Variants in MYPN observed in about 807,000 individuals in gnomAD.
MYPN encodes myopalladin, also known as sarcomeric protein myopalladin, 145 kDa (MYOP).
Under a neutral mutation model 129.4 loss-of-function variants are expected in MYPN, and 63 were observed. The ratio of observed to expected loss-of-function variants is 0.49; its 90% CI spans 0.40 to 0.60. The LOEUF (loss-of-function observed/expected upper bound fraction) is 0.60. MYPN is among the 20% of genes least tolerant of loss of function. MYPN has a pLI of 0.00. For synonymous variants in MYPN, 629 were observed against 600.9 expected, an observed-to-expected ratio of 1.05 and a Z score of -0.68; for missense variants, 1,596 against 1,635.4, an observed-to-expected ratio of 0.98 and a Z score of 0.42.
chr10:68,191,509 C>T (rs1487673739), intron 13 of MYPN, among the ~76,000 whole-genome samples: 1 of 152,194 alleles, frequency 6.6e-6, no homozygotes, highest in Non-Finnish European at 1.5e-5. Flanking sequence ...TGAGCCACCA[C>T]ACCCAGCCTG....
intron 10 of MYPN, among the ~76,000 whole-genome samples, chr10:68,171,158 AG>A (rs1431326377): frequency 3.8e-5 from 5 of 133,212 alleles, no homozygotes; most frequent in African/African-American, 9.4e-5. Context: ...AAAAAAAAAA[AG>A]AAAGAAAGAA....
chr10:68,156,092 T>C (rs1228908265), intron 6 of MYPN, among the ~76,000 whole-genome samples: 2 of 152,222 alleles, frequency 1.3e-5, no homozygotes, highest in Non-Finnish European at 2.9e-5. Context: ...AGCTCAACTT[T>C]AGGCCATGTC....
chr10:68,155,228 A>G (rs2042850911), intron 6 of MYPN, among the ~76,000 whole-genome samples: 1 of 152,146 alleles, frequency 6.6e-6, no homozygotes, highest in Admixed American at 6.5e-5. Context: ...AAACCCTTCC[A>G]TTTCAGCTAA....
rs2043892838 is a variant in MYPN, at chr10:68,210,446, T to C, written c.3954T>C (p.Asp1318=). The C allele has an allele frequency of 1.2e-6, 2 of 1,614,030 alleles. No homozygotes were observed. The highest frequency in any genetic ancestry group is 2.2e-5 in the East Asian group (1 of 44,892). ...CTTCTCGGAGTGTAGTGGAGAGTGA[T>C]GAACTTTAAGAATGTCTAGGTACCT... The part of the protein sequence containing the change: ...SCSSRSVVES[D]EL The change falls in exon 20 of 20, where the codon GAT becomes GAC. Residue 1318 remains aspartate (D), a synonymous_variant. Coordinates refer to ENST00000358913, the MANE Select transcript of MYPN (RefSeq NM_032578.4).
chr10:68,174,204 A>G lies in MYPN; in HGVS notation c.2112A>G (p.Thr704=). 6.2e-7 allele frequency: 1 copy of G among 1,614,010 alleles called. No individual in the cohort carries two copies. Among genetic ancestry groups the G allele is most frequent in the East Asian group, 2.2e-5 (1 of 44,864 alleles). ...VLNSNAPPAV[T]TSSKQVKAPS... Reference sequence around the variant, plus strand: ...ACTCCAATGCTCCCCCAGCGGTGACAACATCCAGTAAGCAGGTGAAGGCTC... The same window carrying G: ...ACTCCAATGCTCCCCCAGCGGTGACGACATCCAGTAAGCAGGTGAAGGCTC... The change falls in exon 11 of 20, where the codon ACA becomes ACG. Residue 704 remains threonine (T), a synonymous_variant. Transcript: ENST00000358913.
intron 6 of MYPN, among the ~76,000 whole-genome samples, chr10:68,152,160 G>A (rs917530084): frequency 5.3e-5 from 8 of 152,218 alleles, no homozygotes; most frequent in Admixed American, 1.3e-4. Flanking sequence ...ATTAGGATAA[G>A]GGGTTGTAGA....
intron 12 of MYPN, among the ~76,000 whole-genome samples, chr10:68,184,898 C>T (rs1005106425): frequency 1.3e-5 from 2 of 152,046 alleles, no homozygotes; most frequent in South Asian, 2.1e-4. Flanking sequence ...TCTGTAGCAT[C>T]GAGAGAGGAA....
intron 8 of MYPN, chr10:68,165,494 A>G (rs1254530196): frequency 1.5e-6 from 1 of 658,006 alleles, no homozygotes; most frequent in South Asian, 1.5e-5. Flanking sequence ...GCCTGTCTGC[A>G]TGGAGTTATT....
rs140586626 is a variant in MYPN at position 68,145,958 on chromosome 10, A to G, written c.1130+432A>G. 2.1e-3 allele frequency among the ~76,000 whole-genome samples: 326 copies of G among 152,214 alleles called. 3 individuals are homozygous for G. Among genetic ancestry groups the G allele is most frequent in the African/African-American group, 7.4e-3 (307 of 41,520 alleles). The stretch of plus-strand genomic sequence containing the variant: ...CCTTTTATGCCAACCACCTCCTTAG[A>G]GGGCTTCCTGTCTGCTTCTGCCTTT... On this transcript the variant is annotated intron_variant, in intron 4 of 19. Transcript: ENST00000358913.
intron 1 of MYPN, among the ~76,000 whole-genome samples, chr10:68,094,857 T>A (rs952661170): frequency 2.0e-5 from 3 of 151,764 alleles, no homozygotes; most frequent in African/African-American, 7.3e-5. Flanking sequence ...AGGTCAGGAG[T>A]TCGAGACCAG....
intron 18 of MYPN, among the ~76,000 whole-genome samples, chr10:68,202,727 G>T (rs1363750106): frequency 6.6e-6 from 1 of 152,156 alleles, no homozygotes; most frequent in Non-Finnish European, 1.5e-5. Flanking sequence ...GGACAAGTAA[G>T]TAAAGGTAGC....
In MYPN at chr10:68,180,202, C is replaced by G. The variant is rs1414963806; in HGVS notation, c.2703+4741C>G. Among the ~76,000 whole-genome samples, 10 of 151,220 alleles carry G rather than the reference C, an allele frequency of 6.6e-5. No individual in the cohort carries two copies. The South Asian group carries it at 2.1e-3, about 32-fold the overall frequency. ...ATAAATTATCTTCTAGTTATGTTAA[C>G]CTCCAAGTTTCTGTCACCCAGGCTG... On this transcript the variant is annotated intron_variant, in intron 12 of 19. Transcript: ENST00000358913.
intron 7 of MYPN, among the ~76,000 whole-genome samples, chr10:68,160,560 A>G (rs2042959687): frequency 6.6e-6 from 1 of 152,084 alleles, no homozygotes. Flanking sequence ...TCAATCAAAC[A>G]CCTGTATTCA....
At chr10:68,161,588 C>A in intron 7 of MYPN, 141 bp from the exon 8 acceptor site, 1 of 647,622 alleles carries the variant, frequency 1.5e-6, no homozygotes, top group East Asian at 2.8e-5. Context: ...TTGAGATCAT[C>A]TTACTTAATA....
Position 68,210,601 on chromosome 10 carries a change from T to C in MYPN, c.*146T>C. 1.1e-6 allele frequency: 1 copy of C among 914,206 alleles called. No individual in the cohort carries two copies. The highest frequency in any genetic ancestry group is 1.8e-6 in the Non-Finnish European group (1 of 566,686). The allele number at this position is 914,206 out of a possible 1,614,324, so 56.6% of individuals were successfully genotyped here. On this transcript the variant is annotated 3_prime_UTR_variant, in exon 20 of 20. Transcript: ENST00000358913. ...CAAAGAGTGCTTTGAATAAGTCAGC[T>C]AGGGATTCTTGCAGTCTCAGCTGAG...
At position 68,197,386 on chromosome 10, in the gene MYPN, C is replaced by A. The variant is rs1423549696; in HGVS notation, c.3193C>A (p.Pro1065Thr). 4.3e-6 allele frequency: 7 copies of A among 1,613,864 alleles called. No homozygotes were observed. The highest frequency in any genetic ancestry group is 5.9e-6 in the Non-Finnish European group (7 of 1,179,874). Residue 1065 changes from proline to threonine, a missense_variant, in exon 16 of 20, where the codon CCC becomes ACC. Physicochemically the swap from Pro to Thr is conservative, Grantham distance 38. Transcript: ENST00000358913. ...CCGAGTGCAAGAAAGAGACAAAGAG[C>A]CCCTACAGGAACGCTTTTTCCGACC... ...RSRVQERDKE[P>T]LQERFFRPHF...
rs941688810 is a variant in MYPN, at chr10:68,135,531, T to A, written c.903-7409T>A. On this transcript the variant is annotated intron_variant, in intron 2 of 19. Transcript: ENST00000358913. Reference sequence around the variant, plus strand: ...TGGAAATGTGAGTAAGCAAATGTACTACTTTTTGGCTGTGTTTTAGGCCCC... The same window carrying A: ...TGGAAATGTGAGTAAGCAAATGTACAACTTTTTGGCTGTGTTTTAGGCCCC... The A allele has an allele frequency of 1.7e-5, 17 of 981,238 alleles. No individual in the cohort carries two copies. In the African/African-American group the frequency reaches 3.0e-4, roughly 17 times the overall value. The allele number at this position is 981,238 out of a possible 1,614,324, so 60.8% of individuals were successfully genotyped here.
At chr10:68,089,316 G>A (rs1226454735) in intron 1 of MYPN, among the ~76,000 whole-genome samples, 2 of 152,002 alleles carry the variant, frequency 1.3e-5, no homozygotes, top group African/African-American at 2.4e-5. Context: ...AAAGGTGTGA[G>A]CCACTTTGCC....
chr10:68,156,758 G>A (rs2042882059), intron 6 of MYPN, among the ~76,000 whole-genome samples: 1 of 152,182 alleles, frequency 6.6e-6, no homozygotes, highest in South Asian at 2.1e-4. Context: ...TCGTAACAGC[G>A]AATGACAAAA....
Sources: gnomAD v4.1 joint callset for allele counts (sites outside exome capture counted in the v4.1 genomes callset) on GRCh38, gnomAD v4.1.1 for gene constraint, MANE v1.5 for transcripts, NCBI Gene and HGNC (gene_info 2026-07-23, HGNC 2026-07-21) for gene names.